The following POLR1C variants were observed in gnomAD, a reference collection of about 807,000 sequenced individuals.
POLR1C encodes DNA-directed RNA polymerases I and III subunit RPAC1.
In POLR1C, 42 loss-of-function variants were observed where a neutral mutation model predicts 38.3. That is an observed-to-expected ratio of 1.10 (90% CI 0.86 to 1.42). The LOEUF is 1.42. Among genes scored for constraint, POLR1C ranks in the 40% most tolerant of loss-of-function variants. The probability of loss-of-function intolerance (pLI) is 0.00; values close to 1 mark genes in which losing one functional copy is unlikely to be tolerated. For synonymous variants in POLR1C, 163 were observed against 163.9 expected, an observed-to-expected ratio of 0.99 and a Z score of 0.04; for missense variants, 507 against 450.5, an observed-to-expected ratio of 1.13 and a Z score of -1.14.
chr6:43,539,574 G>A (rs545488690), intron 9 of POLR1C: 34 of 1,362,794 alleles, frequency 2.5e-5, no homozygotes, highest in East Asian at 4.6e-5. Flanking sequence ...CCTCAGCCCC[G>A]GCCCGGTCCA....
intron 2 of POLR1C, among the ~76,000 whole-genome samples, chr6:43,518,940 A>G (rs2127688548): frequency 6.6e-6 from 1 of 152,284 alleles, no homozygotes; most frequent in Admixed American, 6.5e-5. Context: ...TCAGCCTCCC[A>G]GAGTGCTGGG....
rs1341743255 is a variant in POLR1C at position 43,517,293 on chromosome 6, C to T, written c.70-13C>T. The T allele has an allele frequency of 1.9e-6, 3 of 1,613,696 alleles. No homozygotes were observed. Among genetic ancestry groups the T allele is most frequent in the East Asian group, 2.2e-5 (1 of 44,870 alleles). On this transcript the variant is annotated splice_polypyrimidine_tract_variant and intron_variant, in intron 1 of 8. Coordinates refer to ENST00000642195, the MANE Select transcript of POLR1C (RefSeq NM_203290.4). The stretch of plus-strand genomic sequence containing the variant: ...ACTGTCCCTTCGTGGACAAATTCGT[C>T]CCTTTGCTCTAGGTCCATACTACTG...
chr6:43,527,981 C>CA (rs1793707300), intron 8 of POLR1C, among the ~76,000 whole-genome samples: 1 of 152,204 alleles, frequency 6.6e-6, no homozygotes, highest in Non-Finnish European at 1.5e-5. Context: ...GGCTGGATCT[C>CA]AGAGTCTGCC....
chr6:43,519,401 A>G lies in POLR1C; in HGVS notation c.210A>G (p.Ala70=). Residue 70 remains alanine, a synonymous_variant, in exon 3 of 9, where the codon GCA becomes GCG. Transcript: ENST00000642195. ...AGTTTGACATGGTGGGAATTGACGCAGCCATTGCCAATGCTTTTCGACGAA... is the reference window on the plus strand; with the variant it reads ...AGTTTGACATGGTGGGAATTGACGCGGCCATTGCCAATGCTTTTCGACGAA... ...SLEFDMVGID[A]AIANAFRRIL... 6.2e-7 allele frequency: 1 copy of G among 1,613,846 alleles called. No individual in the cohort carries two copies.
intron 10 of POLR1C, chr6:43,561,001 C>T (rs1280948385): frequency 6.2e-7 from 1 of 1,613,632 alleles, no homozygotes; most frequent in African/African-American, 1.3e-5. Context: ...ACATCAGAAT[C>T]TGCACCCTGT....
chr6:43,558,573 T>G, intron 10 of POLR1C: 1 of 1,595,264 alleles, frequency 6.3e-7, no homozygotes, highest in African/African-American at 1.3e-5. Flanking sequence ...GGGCTGTCTG[T>G]TTTAGAAGGA....
intron 10 of POLR1C, among the ~76,000 whole-genome samples, chr6:43,559,484 C>T (rs1254478928): frequency 6.6e-5 from 10 of 152,142 alleles, no homozygotes; most frequent in Non-Finnish European, 2.9e-5. Context: ...TCTTTGCTTC[C>T]ACTCTCACTC....
At chr6:43,559,812 A>G (rs1762310868) in intron 10 of POLR1C, among the ~76,000 whole-genome samples, 2 of 152,156 alleles carry the variant, frequency 1.3e-5, no homozygotes, top group Middle Eastern at 3.2e-3. Flanking sequence ...AATGCCAATC[A>G]GTCTTTTTTA....
At chr6:43,528,046 A>G in intron 8 of POLR1C, 1 of 1,106,174 alleles carries the variant, frequency 9.0e-7, no homozygotes, top group Admixed American at 2.3e-5. Context: ...GAGAATGACT[A>G]CAACCTACTG....
At chr6:43,550,071 C>T (rs1423726024) in intron 9 of POLR1C, 15 of 837,414 alleles carry the variant, frequency 1.8e-5, no homozygotes, top group South Asian at 4.7e-5. Flanking sequence ...GCTGGGACTA[C>T]GGGCATGAGC....
downstream of POLR1C, chr6:43,525,548 A>T: frequency 3.9e-6 from 2 of 513,720 alleles, no homozygotes; most frequent in South Asian, 5.6e-5. Context: ...GAAAACCTGT[A>T]TGTGTAGGAT....
Position 43,528,868 on chromosome 6 carries a change from A to G in POLR1C, c.923-381A>G, listed in dbSNP as rs780986096. 2 of 1,613,844 alleles carry G rather than the reference A, an allele frequency of 1.2e-6. No individual in the cohort carries two copies. The highest frequency in any genetic ancestry group is 2.7e-5 in the African/African-American group (2 of 74,942). On this transcript the variant is annotated intron_variant, in intron 8 of 8. Transcript: ENST00000304004. ...GAAAAGAGGTCCGAGGATGGGGGAT[A>G]CCAGGGCTTCATAGTGCTCTGGGGG...
chr6:43,528,476 C>T (rs1793738520), intron 8 of POLR1C, among the ~76,000 whole-genome samples: 1 of 152,108 alleles, frequency 6.6e-6, no homozygotes, highest in Non-Finnish European at 1.5e-5. Context: ...TCTAGACATA[C>T]CTGTTCTCCA....
At chr6:43,542,595 G>A (rs1794758926) in intron 9 of POLR1C, among the ~76,000 whole-genome samples, 1 of 151,744 alleles carries the variant, frequency 6.6e-6, no homozygotes, top group Non-Finnish European at 1.5e-5. Flanking sequence ...GTTGGTGGTG[G>A]TGGTATTTTG....
At chr6:43,533,836 AAAC>A (rs1396891582), downstream of POLR1C, 43 of 1,236,036 alleles carry the variant, frequency 3.5e-5, no homozygotes, top group African/African-American at 6.1e-5. Flanking sequence ...GACTCTTAAA[AAAC>A]AACAAAAAAA....
At chr6:43,548,181 C>T in intron 9 of POLR1C, 1 of 1,401,646 alleles carries the variant, frequency 7.1e-7, no homozygotes, top group Non-Finnish European at 9.6e-7. Context: ...TCCTTAACCC[C>T]TACCCCACCC....
chr6:43,543,219 A>T (rs73426770), intron 9 of POLR1C, among the ~76,000 whole-genome samples: 111 of 152,300 alleles, frequency 7.3e-4, no homozygotes, highest in African/African-American at 2.6e-3. Flanking sequence ...TTATCCCAGC[A>T]CTTTGGGAGG....
At chr6:43,528,979 CA>C (rs1793774327) in intron 8 of POLR1C, 3 of 1,536,748 alleles carry the variant, frequency 2.0e-6, no homozygotes, top group Non-Finnish European at 2.7e-6. Flanking sequence ...TCTCACCTGC[CA>C]GGTGGTGGGT....
intron 9 of POLR1C, chr6:43,548,482 A>T: frequency 6.6e-7 from 1 of 1,512,826 alleles, no homozygotes; most frequent in East Asian, 2.3e-5. Flanking sequence ...AAAGAAAAAA[A>T]GCCAGAGGTG....
Sources: gnomAD v4.1 joint callset for allele counts (sites outside exome capture counted in the v4.1 genomes callset) on GRCh38, gnomAD v4.1.1 for gene constraint, MANE v1.5 for transcripts, NCBI Gene and HGNC (gene_info 2026-07-23, HGNC 2026-07-21) for gene names.